The following CDH12 variants were observed in gnomAD, a reference collection of about 807,000 sequenced individuals.
CDH12 encodes cadherin-12.
A neutral mutation model predicts 74.1 loss-of-function variants in CDH12; 41 were observed. That is an observed-to-expected ratio of 0.55 (90% CI 0.43 to 0.72). The LOEUF (loss-of-function observed/expected upper bound fraction) is 0.72, where lower values mean the gene tolerates loss of function less well. CDH12 is among the 30% of genes least tolerant of loss of function. The pLI is 0.00. For synonymous variants in CDH12, 399 were observed against 355.0 expected (o/e 1.12, Z -1.39); for missense variants, 945 against 977.2 (o/e 0.97, Z 0.44).
intron 2 of CDH12, among the ~76,000 whole-genome samples, chr5:22,494,100 G>T (rs1747002659): frequency 6.6e-6 from 1 of 152,182 alleles, no homozygotes. Flanking sequence ...GGTCGAGCAT[G>T]GTGTACAGTA....
intron 1 of CDH12, among the ~76,000 whole-genome samples, chr5:22,743,390 G>A (rs1400200666): frequency 1.3e-5 from 2 of 151,200 alleles, no homozygotes; most frequent in African/African-American, 4.9e-5. Context: ...TAAAATCTTA[G>A]GGGAGAATGC....
At chr5:22,232,320 A>C (rs1752413066) in intron 3 of CDH12, among the ~76,000 whole-genome samples, 1 of 152,026 alleles carries the variant, frequency 6.6e-6, no homozygotes, top group South Asian at 2.1e-4. Context: ...GTTTTGAAGT[A>C]TTTCTTAGAT....
Position 21,880,562 on chromosome 5 carries a change from C to CTTT in CDH12, c.527-25773_527-25772insAAA, listed in dbSNP as rs1561268001. Among the ~76,000 whole-genome samples the CTTT allele has an allele frequency of 2.1e-3, 107 of 51,800 alleles. 6 individuals carry two copies. Among genetic ancestry groups the CTTT allele is most frequent in the African/African-American group, 5.1e-3 (104 of 20,442 alleles). 34.0% of individuals were successfully genotyped at this position (51,800 alleles called of 152,430 possible). On this transcript the variant is annotated intron_variant, in intron 6 of 14. Coordinates refer to ENST00000382254, the MANE Select transcript of CDH12 (RefSeq NM_004061.5). ...TCCTTCCTTCCTTCCTTCCTTCCTT[C>CTTT]CCTTCTTTCTTTCCTTCCTTCCTTC...
intron 6 of CDH12, among the ~76,000 whole-genome samples, chr5:21,954,499 T>A (rs181023422): frequency 6.6e-6 from 1 of 152,104 alleles, no homozygotes; most frequent in Non-Finnish European, 1.5e-5. Context: ...TGAAGAAAAA[T>A]ACAGTGATTC....
At position 22,823,491 on chromosome 5, in the gene CDH12, AG is replaced by A. The variant is rs569562025; in HGVS notation, c.-523+29566del. Among the ~76,000 whole-genome samples, 38 of 152,196 alleles carry A rather than the reference AG, an allele frequency of 2.5e-4. 1 individual carries two copies. Among genetic ancestry groups the A allele is most frequent in the African/African-American group, 8.7e-4 (36 of 41,556 alleles). The stretch of plus-strand genomic sequence containing the variant: ...TCCATCATGATTGTGAGGCCTCCCC[AG>A]CCATTTGGAACTGTAAGTTCATTAA... On this transcript the variant is annotated intron_variant, in intron 1 of 14. Transcript: ENST00000382254.
chr5:22,560,195 C>T (rs1256815991), intron 1 of CDH12, among the ~76,000 whole-genome samples: 12 of 152,092 alleles, frequency 7.9e-5, no homozygotes, highest in Non-Finnish European at 1.5e-4. Context: ...CAACATCAGT[C>T]CAAAAATATT....
intron 10 of CDH12, among the ~76,000 whole-genome samples, chr5:21,797,992 G>A (rs978571434): frequency 1.3e-5 from 2 of 151,910 alleles, no homozygotes; most frequent in African/African-American, 4.8e-5. Context: ...TTATTGACCT[G>A]CAGAGAGTTT....
At chr5:21,877,515 A>C (rs1282351766) in intron 6 of CDH12, among the ~76,000 whole-genome samples, 1 of 152,236 alleles carries the variant, frequency 6.6e-6, no homozygotes, top group Non-Finnish European at 1.5e-5. Flanking sequence ...AGGAACAAAT[A>C]AGTCTGGCTA....
At chr5:22,168,127 C>T (rs1449969816) in intron 4 of CDH12, among the ~76,000 whole-genome samples, 1 of 152,192 alleles carries the variant, frequency 6.6e-6, no homozygotes, top group African/African-American at 2.4e-5. Context: ...CACTGTAGTT[C>T]TGTACCGATA....
chr5:22,164,414 C>T (rs1580346615), intron 4 of CDH12, among the ~76,000 whole-genome samples: 1 of 152,158 alleles, frequency 6.6e-6, no homozygotes, highest in East Asian at 1.9e-4. Flanking sequence ...GTGGGCGCCT[C>T]GCTGAATCAG....
chr5:22,130,590 C>T (rs1332482432), intron 4 of CDH12, among the ~76,000 whole-genome samples: 1 of 151,818 alleles, frequency 6.6e-6, no homozygotes, highest in Non-Finnish European at 1.5e-5. Flanking sequence ...TTGAAATAGA[C>T]ATGGGTTCAA....
intron 3 of CDH12, among the ~76,000 whole-genome samples, chr5:22,300,653 T>C (rs1737840018): frequency 1.3e-5 from 2 of 152,192 alleles, no homozygotes; most frequent in Non-Finnish European, 2.9e-5. Flanking sequence ...CATAATGCTG[T>C]GAAATGTTAT....
chr5:22,113,689 T>C (rs1461309918), intron 4 of CDH12, among the ~76,000 whole-genome samples: 1 of 152,182 alleles, frequency 6.6e-6, no homozygotes, highest in Non-Finnish European at 1.5e-5. Context: ...CCATGGTTAC[T>C]CATATTTGGC....
intron 1 of CDH12, among the ~76,000 whole-genome samples, chr5:22,712,497 CT>C (rs33974388): frequency 0.93 from 140,716 of 152,046 alleles, 65,549 homozygotes; most frequent in East Asian, 1. Flanking sequence ...TGGATCATTT[CT>C]ATAGGATAAC....
intron 1 of CDH12, among the ~76,000 whole-genome samples, chr5:22,674,266 T>C (rs1435637087): frequency 1.3e-5 from 2 of 152,138 alleles, no homozygotes; most frequent in Non-Finnish European, 2.9e-5. Context: ...GGGCAGGTCT[T>C]TTCCGTGCTG....
At chr5:22,017,302 A>G (rs1737666900) in intron 5 of CDH12, among the ~76,000 whole-genome samples, 1 of 152,076 alleles carries the variant, frequency 6.6e-6, no homozygotes, top group South Asian at 2.1e-4. Context: ...CCCTGAACAT[A>G]AGACTTCAAA....
chr5:22,635,193 A>C (rs996013608), intron 1 of CDH12, among the ~76,000 whole-genome samples: 1 of 152,152 alleles, frequency 6.6e-6, no homozygotes, highest in African/African-American at 2.4e-5. Context: ...ATAAGCCCAT[A>C]CTTTTATGTT....
chr5:22,815,012 C>T (rs1336377349), intron 1 of CDH12, among the ~76,000 whole-genome samples: 3 of 151,906 alleles, frequency 2.0e-5, no homozygotes, highest in Non-Finnish European at 2.9e-5. Flanking sequence ...CAAGCTTGTC[C>T]GAAAATATTA....
chr5:22,207,162 T>A (rs1338918182), intron 4 of CDH12, among the ~76,000 whole-genome samples: 2 of 138,866 alleles, frequency 1.4e-5, no homozygotes, highest in Non-Finnish European at 3.0e-5. Context: ...GAGCTTGCAG[T>A]GAGCTGAGAT....
Sources: gnomAD v4.1 joint callset for allele counts (sites outside exome capture counted in the v4.1 genomes callset) on GRCh38, gnomAD v4.1.1 for gene constraint, MANE v1.5 for transcripts, NCBI Gene and HGNC (gene_info 2026-07-23, HGNC 2026-07-21) for gene names.